Variants in ERAL1 observed in about 807,000 individuals in gnomAD.
ERAL1 encodes Era like 12S mitochondrial rRNA chaperone 1, also known as GTPase Era, mitochondrial.
ERAL1 carries 36 observed loss-of-function variants against 53.6 expected under a neutral mutation model. That is an observed-to-expected ratio of 0.67 (90% CI 0.51 to 0.89). The LOEUF is 0.89. Ranked by LOEUF, ERAL1 falls within the 40% of genes least tolerant of loss-of-function variation. ERAL1 has a pLI of 0.00. For missense variants in ERAL1, 512 were observed against 537.5 expected (o/e 0.95, Z 0.47); for synonymous variants, 215 against 211.8 (o/e 1.02, Z -0.13).
At position 28,858,383 on chromosome 17, in the gene ERAL1, T is replaced by C. The variant is rs1433806819; in HGVS notation, c.608T>C (p.Leu203Pro). Residue 203 changes from leucine (L) to proline (P), a missense_variant, in exon 6 of 10, where the codon CTT (leucine) becomes CCT (proline). Transcript: ENST00000254928. ...CCTTGCCATCTTCTAGTTGTGGTTC[T>C]TGTGGATGTCTCAGACAAGTGGACA... The part of the protein sequence containing the change: ...SMESADLVVV[L>P]VDVSDKWTRN... The C allele has an allele frequency of 6.2e-6, 10 of 1,614,186 alleles. No homozygotes were observed. Among genetic ancestry groups the C allele is most frequent in the Non-Finnish European group, 8.5e-6 (10 of 1,180,030 alleles).
intron 1 of ERAL1, among the ~76,000 whole-genome samples, chr17:28,855,791 C>A (rs547841673): frequency 2.3e-4 from 16 of 71,016 alleles, no homozygotes; most frequent in African/African-American, 6.8e-4. Context: ...GTCCCTCCTT[C>A]AGGAAAAAAA....
Position 28,857,802 on chromosome 17 carries a change from A to G in ERAL1, c.490-137A>G, listed in dbSNP as rs2039260802. 21 of 1,036,388 alleles carry G rather than the reference A, an allele frequency of 2.0e-5. No homozygotes were observed. The South Asian group carries it at 3.1e-4, about 15-fold the overall frequency. 64.2% of individuals were successfully genotyped at this position (1,036,388 alleles called of 1,614,324 possible). A position where few individuals can be genotyped will look rare whatever the true frequency, so the allele number is the denominator to read the frequency against. On this transcript the variant is annotated intron_variant, in intron 3 of 9. Coordinates refer to ENST00000254928, the MANE Select transcript of ERAL1 (RefSeq NM_005702.4). ...GTGAGACTCCGTCTCAGAAAAAAAC[A>G]AAAAACAAACCTAAAGTCAATAATA...
chr17:28,856,468 A>C (rs1389933223), intron 2 of ERAL1, 37 bp from the exon 3 acceptor site: 2 of 1,613,522 alleles, frequency 1.2e-6, no homozygotes, highest in Admixed American at 3.3e-5. Flanking sequence ...TCTTGGAGGG[A>C]TCTGGGACCT....
Position 28,860,735 on chromosome 17 carries a change from G to A in ERAL1, c.*182G>A. 1.6e-6 allele frequency: 1 copy of A among 623,044 alleles called. No individual in the cohort carries two copies. The highest frequency in any genetic ancestry group is 2.7e-5 in the South Asian group (1 of 37,008). The allele number at this position is 623,044 out of a possible 1,614,324, so 38.6% of individuals were successfully genotyped here. A position where few individuals can be genotyped will look rare whatever the true frequency, so the allele number is the denominator to read the frequency against. On this transcript the variant is annotated 3_prime_UTR_variant, in exon 10 of 10. Transcript: ENST00000254928. The stretch of plus-strand genomic sequence containing the variant: ...TGCCCAGCTGTGTCTTCTGTTGGAA[G>A]AAGGAACCTGCCTTAGCTCAGTTTC...
In ERAL1 at chr17:28,855,216, C is replaced by T. The variant is rs2039224664; in HGVS notation, c.182C>T (p.Ser61Phe). Residue 61 changes from serine to phenylalanine, a missense_variant, in exon 1 of 10, where the codon TCT (serine) becomes TTT (phenylalanine). Physicochemically the swap from Ser to Phe is radical, Grantham distance 155. Coordinates refer to ENST00000254928, the MANE Select transcript of ERAL1 (RefSeq NM_005702.4). ...TCTGGTCCCCGCTTGGCCTCGGCTT[C>T]TCGCAGTAATGGCCAGGGCTCTGCC... Reference protein sequence around the residue: ...AFSGPRLASASRSNGQGSALD... With the variant: ...AFSGPRLASAFRSNGQGSALD... 1.2e-6 allele frequency: 2 copies of T among 1,614,144 alleles called. No individual in the cohort carries two copies. Among genetic ancestry groups the T allele is most frequent in the African/African-American group, 1.3e-5 (1 of 74,940 alleles).
chr17:28,855,586 T>C (rs979264886), intron 1 of ERAL1, among the ~76,000 whole-genome samples: 7 of 152,132 alleles, frequency 4.6e-5, no homozygotes, highest in Admixed American at 2.6e-4. Context: ...GAAGCAAATT[T>C]GATCCAGTAA....
In ERAL1 at chr17:28,856,583, G is replaced by A; in HGVS notation, c.489+1G>A. ...CATCACAGAGAAGGAGACCCAGGTG[G>A]TGGGTACCTACAAAGGGAGTCCTTG... On this transcript the variant is annotated splice_donor_variant, in intron 3 of 9. Transcript: ENST00000254928. LOFTEE classifies it high-confidence loss of function. 1 of 1,614,048 alleles carries A rather than the reference G, an allele frequency of 6.2e-7. No homozygotes were observed. The highest frequency in any genetic ancestry group is 1.1e-5 in the South Asian group (1 of 91,086).
rs778690393 is a variant in ERAL1, at chr17:28,855,206, G to A, written c.172G>A (p.Ala58Thr). 29 of 1,614,206 alleles carry A rather than the reference G, an allele frequency of 1.8e-5. No individual in the cohort carries two copies. In the South Asian group the frequency reaches 2.9e-4, roughly 16 times the overall value. ...GTCCGCTTTCTCTGGTCCCCGCTTG[G>A]CCTCGGCTTCTCGCAGTAATGGCCA... ...AGSAFSGPRLASASRSNGQGS... is the reference protein window; with the variant it reads ...AGSAFSGPRLTSASRSNGQGS... The change falls in exon 1 of 10, where the codon GCC becomes ACC. Residue 58 changes from alanine to threonine, a missense_variant. Coordinates refer to ENST00000254928, the MANE Select transcript of ERAL1 (RefSeq NM_005702.4).
chr17:28,859,819 C>T (rs987684489), intron 9 of ERAL1, among the ~76,000 whole-genome samples: 2 of 151,872 alleles, frequency 1.3e-5, no homozygotes, highest in African/African-American at 4.8e-5. Flanking sequence ...CCTGACTATC[C>T]GCTAATTTAA....
At position 28,860,763 on chromosome 17, in the gene ERAL1, G is replaced by A. The variant is rs1475500522; in HGVS notation, c.*210G>A. On this transcript the variant is annotated 3_prime_UTR_variant, in exon 10 of 10. Coordinates refer to ENST00000254928, the MANE Select transcript of ERAL1 (RefSeq NM_005702.4). ...GGAACCTGCCTTAGCTCAGTTTCCA[G>A]GTGGTTCCTCTGCCTGGCACCACAG... 4 of 479,332 alleles carry A rather than the reference G, an allele frequency of 8.3e-6. No homozygotes were observed. Among genetic ancestry groups the A allele is most frequent in the Non-Finnish European group, 1.4e-5 (4 of 289,438 alleles). The allele number at this position is 479,332 out of a possible 1,614,324, so 29.7% of individuals were successfully genotyped here.
chr17:28,860,340 C>G, intron 9 of ERAL1, 91 bp from the exon 10 acceptor site: 1 of 1,492,312 alleles, frequency 6.7e-7, no homozygotes, highest in East Asian at 2.4e-5. Context: ...CTCCTGTGCT[C>G]AAAGGATCTT....
In ERAL1 at chr17:28,858,978, A is replaced by C. The variant is rs2152642596; in HGVS notation, c.975A>C (p.Thr325=). Residue 325 remains threonine, a synonymous_variant, in exon 8 of 10, where the codon ACA becomes ACC. Transcript: ENST00000254928. The part of the protein sequence containing the change: ...DVKTLKQYLL[T]QAQPGPWEYH... The stretch of plus-strand genomic sequence containing the variant: ...TGTTCCCACAGCAATACCTTCTGAC[A>C]CAGGCCCAGCCAGGGCCCTGGGAGT... The C allele has an allele frequency of 6.2e-7, 1 of 1,614,156 alleles. No individual in the cohort carries two copies. The highest frequency in any genetic ancestry group is 2.2e-5 in the East Asian group (1 of 44,888).
Position 28,855,056 on chromosome 17 carries a change from G to T in ERAL1, c.22G>T (p.Gly8Trp). ...TGTAATGGCTGCCCCCAGCTGGCGC[G>T]GGGCTAGGCTTGTTCAATCGGTGTT... MAAPSWRGARLVQSVLRV... is the reference protein window; with the variant it reads MAAPSWRWARLVQSVLRV... Residue 8 changes from glycine (G) to tryptophan (W), a missense_variant, in exon 1 of 10, where the codon GGG becomes TGG. Coordinates refer to ENST00000254928, the MANE Select transcript of ERAL1 (RefSeq NM_005702.4). 6 of 1,595,872 alleles carry T rather than the reference G, an allele frequency of 3.8e-6. No individual in the cohort carries two copies. Among genetic ancestry groups the T allele is most frequent in the Non-Finnish European group, 5.1e-6 (6 of 1,168,374 alleles).
At position 28,860,771 on chromosome 17, in the gene ERAL1, C is replaced by T. The variant is rs6803; in HGVS notation, c.*218C>T. On this transcript the variant is annotated 3_prime_UTR_variant, in exon 10 of 10. Transcript: ENST00000254928. ...CCTTAGCTCAGTTTCCAGGTGGTTCCTCTGCCTGGCACCACAGCTACAAAG... is the reference window on the plus strand; with the variant it reads ...CCTTAGCTCAGTTTCCAGGTGGTTCTTCTGCCTGGCACCACAGCTACAAAG... 0.75 allele frequency: 313,710 copies of T among 416,912 alleles called. 119,363 individuals carry two copies. The highest frequency in any genetic ancestry group is 0.8 in the Non-Finnish European group (194,438 of 243,530). 25.8% of individuals were successfully genotyped at this position (416,912 alleles called of 1,614,324 possible).
intron 9 of ERAL1, among the ~76,000 whole-genome samples, chr17:28,859,883 A>G (rs544892512): frequency 6.6e-6 from 1 of 152,176 alleles, no homozygotes; most frequent in African/African-American, 2.4e-5. Context: ...CTGGTCTCAA[A>G]TTCCTGGGCT....
In ERAL1 at chr17:28,856,595, A is replaced by C; in HGVS notation, c.489+13A>C. On this transcript the variant is annotated intron_variant, in intron 3 of 9. Coordinates refer to ENST00000254928, the MANE Select transcript of ERAL1 (RefSeq NM_005702.4). ...GGAGACCCAGGTGGTGGGTACCTAC[A>C]AAGGGAGTCCTTGAAACAGGACAGA... The C allele has an allele frequency of 6.2e-7, 1 of 1,613,400 alleles. No individual in the cohort carries two copies. Among genetic ancestry groups the C allele is most frequent in the Non-Finnish European group, 8.5e-7 (1 of 1,179,468 alleles).
chr17:28,855,215 T>A lies in ERAL1; in HGVS notation c.181T>A (p.Ser61Thr). Residue 61 changes from serine (S) to threonine (T), a missense_variant, in exon 1 of 10, where the codon TCT (serine) becomes ACT (threonine). By Grantham distance (58) the Ser-to-Thr change is moderately conservative. Transcript: ENST00000254928. ...AFSGPRLASA[S>T]RSNGQGSALD... is the part of the protein sequence containing the mutation. ...CTCTGGTCCCCGCTTGGCCTCGGCT[T>A]CTCGCAGTAATGGCCAGGGCTCTGC... is the stretch of plus-strand genomic sequence containing the variant. 6.2e-7 allele frequency: 1 copy of A among 1,614,244 alleles called. No individual in the cohort carries two copies. Among genetic ancestry groups the A allele is most frequent in the Non-Finnish European group, 8.5e-7 (1 of 1,180,044 alleles).
At chr17:28,856,688 G>A in intron 3 of ERAL1, 106 bp downstream of exon 3, 1 of 962,072 alleles carries the variant, frequency 1.0e-6, no homozygotes, top group Non-Finnish European at 1.6e-6. Context: ...TCATTTATGT[G>A]AGGAAAGGGG....
intron 3 of ERAL1, among the ~76,000 whole-genome samples, chr17:28,857,002 C>T (rs1055474928): frequency 2.7e-5 from 4 of 150,722 alleles, no homozygotes; most frequent in African/African-American, 4.9e-5. Context: ...TGAGCCACTG[C>T]GCCTGGCCAG....
Sources: allele counts gnomAD v4.1 joint callset (sites outside exome capture counted in the v4.1 genomes callset), GRCh38; gene constraint gnomAD v4.1.1; transcripts MANE v1.5; gene names NCBI Gene and HGNC (gene_info 2026-07-23, HGNC 2026-07-21).